ESYT2: variants seen among roughly 807,000 people sequenced by gnomAD.
ESYT2 encodes extended synaptotagmin-2.
ESYT2 carries 54 observed loss-of-function variants against 107.2 expected under a neutral mutation model. That is an observed-to-expected ratio of 0.50 (90% confidence interval 0.40 to 0.63). The LOEUF is 0.63. Among genes scored for constraint, ESYT2 ranks in the 30% least tolerant of loss-of-function variants. The pLI is 0.00. For synonymous variants in ESYT2, 491 were observed against 434.1 expected, an observed-to-expected ratio of 1.13 and a Z score of -1.63; for missense variants, 1,020 against 1,094.5, an observed-to-expected ratio of 0.93 and a Z score of 0.96.
At chr7:158,809,522 G>C (rs1220627534) in intron 1 of ESYT2, among the ~76,000 whole-genome samples, 3 of 138,586 alleles carry the variant, frequency 2.2e-5, no homozygotes, top group African/African-American at 5.3e-5. Flanking sequence ...GGGGGCAAAA[G>C]TATTTGTATA....
At chr7:158,737,927 C>G (rs1018790608) in intron 19 of ESYT2, among the ~76,000 whole-genome samples, 1 of 152,188 alleles carries the variant, frequency 6.6e-6, no homozygotes. Flanking sequence ...ATGCAACAGT[C>G]ACCTGACTTT....
intron 6 of ESYT2, 51 bp downstream of exon 6, chr7:158,787,953 G>A (rs1839165250): frequency 1.5e-5 from 22 of 1,421,384 alleles, no homozygotes; most frequent in Non-Finnish European, 2.2e-5. Flanking sequence ...CCACGGGTAT[G>A]TATTTTTGCC....
At chr7:158,786,933 G>A (rs1419258888) in intron 6 of ESYT2, among the ~76,000 whole-genome samples, 4 of 152,160 alleles carry the variant, frequency 2.6e-5, no homozygotes, top group Non-Finnish European at 5.9e-5. Flanking sequence ...AACAAAAGGG[G>A]CGAAGAAAGT....
In ESYT2 at chr7:158,764,793, T is replaced by G. The variant is rs755772982; in HGVS notation, c.985A>C (p.Lys329Gln). The G allele has an allele frequency of 1.9e-6, 3 of 1,614,172 alleles. No homozygotes were observed. In the South Asian group the frequency reaches 3.3e-5, roughly 18 times the overall value. Residue 329 changes from lysine (K) to glutamine (Q), a missense_variant, in exon 9 of 23, where the codon AAG (lysine) becomes CAG (glutamine). By Grantham distance (53) the Lys-to-Gln change is moderately conservative. Coordinates refer to ENST00000275418, the MANE Select transcript of ESYT2 (RefSeq NM_001367773.1). ...QDLQGKDTYL[K>Q]GLVKGKSDPY... ...TCTGACTTTCCCTTGACAAGTCCCT[T>G]AAGGTAAGTGTCTTTCCCCTGAAGA...
At chr7:158,782,342 G>A (rs1465307830) in intron 6 of ESYT2, among the ~76,000 whole-genome samples, 3 of 136,462 alleles carry the variant, frequency 2.2e-5, no homozygotes, top group Non-Finnish European at 3.2e-5. Context: ...AGTGTGAGGT[G>A]TGAGTGTAAG....
In ESYT2 at chr7:158,794,661, A is replaced by G. The variant is rs193160052; in HGVS notation, c.508-935T>C. Among the ~76,000 whole-genome samples the G allele has an allele frequency of 7.9e-5, 12 of 151,858 alleles. No individual in the cohort carries two copies. In the East Asian group the frequency reaches 2.3e-3, roughly 30 times the overall value. ...CGTGGTGGCGTGCACCTGTAGTCCC[A>G]GCTACTCGGGAGGCTGTGGTAGGGG... is the stretch of plus-strand genomic sequence containing the variant. On this transcript the variant is annotated intron_variant, in intron 3 of 22. Transcript: ENST00000275418.
intron 6 of ESYT2, among the ~76,000 whole-genome samples, chr7:158,786,343 T>C (rs947846800): frequency 2.6e-5 from 4 of 152,204 alleles, no homozygotes; most frequent in Non-Finnish European, 4.4e-5. Flanking sequence ...TACTTAGCAA[T>C]TTGTTAAGAT....
At position 158,748,172 on chromosome 7, in the gene ESYT2, TTAAAAAA is replaced by T. The variant is rs755333490; in HGVS notation, c.1644+15_1644+21del. On this transcript the variant is annotated intron_variant, in intron 16 of 22. Transcript: ENST00000275418. The stretch of plus-strand genomic sequence containing the variant: ...AGTCAATTATTTGTCAATAAATTGG[TTAAAAAA>T]TGCAAATAAAATACCTCAACTTCAA... 2 of 1,608,488 alleles carry T rather than the reference TTAAAAAA, an allele frequency of 1.2e-6. No homozygotes were observed. Among genetic ancestry groups the T allele is most frequent in the South Asian group, 2.2e-5 (2 of 90,864 alleles).
At chr7:158,797,202 C>T (rs1234853885) in intron 3 of ESYT2, among the ~76,000 whole-genome samples, 5 of 152,272 alleles carry the variant, frequency 3.3e-5, no homozygotes, top group East Asian at 1.9e-4. Context: ...GCTGGAATGC[C>T]GTAGTGTGAT....
At chr7:158,806,963 T>C (rs1839848362) in intron 1 of ESYT2, among the ~76,000 whole-genome samples, 1 of 152,148 alleles carries the variant, frequency 6.6e-6, no homozygotes, top group East Asian at 1.9e-4. Context: ...ATATTCTGTA[T>C]ACTACTTAAA....
chr7:158,823,632 T>C (rs1462181068), intron 1 of ESYT2, among the ~76,000 whole-genome samples: 2 of 152,060 alleles, frequency 1.3e-5, no homozygotes, highest in Non-Finnish European at 2.9e-5. Flanking sequence ...AGCCCTGATG[T>C]CTATATTTTT....
At chr7:158,759,394 G>T (rs1837882526) in intron 13 of ESYT2, 92 bp downstream of exon 13, 2 of 956,752 alleles carry the variant, frequency 2.1e-6, no homozygotes, top group South Asian at 3.3e-5. Flanking sequence ...GAAGAGAACA[G>T]GTGATGCAGA....
At chr7:158,757,723 T>C (rs1282517512) in intron 13 of ESYT2, among the ~76,000 whole-genome samples, 1 of 152,028 alleles carries the variant, frequency 6.6e-6, no homozygotes, top group Non-Finnish European at 1.5e-5. Context: ...CAAAGTGCCC[T>C]TTTAACAGAA....
intron 1 of ESYT2, among the ~76,000 whole-genome samples, chr7:158,810,177 T>C (rs952231567): frequency 6.6e-6 from 1 of 152,174 alleles, no homozygotes; most frequent in Non-Finnish European, 1.5e-5. Context: ...CCCACACGTA[T>C]ATATGCAACA....
intron 1 of ESYT2, among the ~76,000 whole-genome samples, chr7:158,818,656 C>A (rs1227562112): frequency 2.0e-5 from 3 of 152,240 alleles, no homozygotes; most frequent in Admixed American, 2.0e-4. Flanking sequence ...CCGCCCATGT[C>A]CAGTGTGTTC....
chr7:158,782,440 G>C (rs1838923526), intron 6 of ESYT2, among the ~76,000 whole-genome samples: 1 of 151,972 alleles, frequency 6.6e-6, no homozygotes, highest in South Asian at 2.1e-4. Context: ...AGGTGTGAGT[G>C]TAAGAACGAG....
Position 158,737,098 on chromosome 7 carries a change from C to A in ESYT2, c.2349G>T (p.Arg783Ser). The part of the protein sequence containing the change: ...YLLPDKRRSG[R>S]RKTHVSKKTL... ...TTTTCTTTGACACGTGTGTTTTCCT[C>A]CTTCCTGACCGCCTCTTGTCTGGTA... Residue 783 changes from arginine to serine, a missense_variant, in exon 20 of 23, where the codon AGG becomes AGT. By Grantham distance (110) the Arg-to-Ser change is moderately radical (BLOSUM62 -1). Coordinates refer to ENST00000275418, the MANE Select transcript of ESYT2 (RefSeq NM_001367773.1). 6.2e-7 allele frequency: 1 copy of A among 1,614,010 alleles called. No homozygotes were observed. The highest frequency in any genetic ancestry group is 8.5e-7 in the Non-Finnish European group (1 of 1,179,922).
At position 158,735,537 on chromosome 7, in the gene ESYT2, C is replaced by G. The variant is rs776034418; in HGVS notation, c.2471G>C (p.Gly824Ala). 3 of 1,614,174 alleles carry G rather than the reference C, an allele frequency of 1.9e-6. No homozygotes were observed. In the South Asian group the frequency reaches 3.3e-5, roughly 18 times the overall value. The change falls in exon 21 of 23, where the codon GGC (glycine) becomes GCC (alanine). Residue 824 changes from glycine to alanine, a missense_variant. Physicochemically the swap from Gly to Ala is moderately conservative, Grantham distance 60. Transcript: ENST00000275418. Reference protein sequence around the residue: ...TLDVAVKNSGGFLSKDKGLLG... With the variant: ...TLDVAVKNSGAFLSKDKGLLG... Reference sequence around the variant, plus strand: ...GAGCCCTTTGTCTTTGGACAGGAAGCCGCCACTGTTCTTCACGGCAACGTC... The same window carrying G: ...GAGCCCTTTGTCTTTGGACAGGAAGGCGCCACTGTTCTTCACGGCAACGTC...
In ESYT2 at chr7:158,789,423, G is replaced by C. The variant is rs573629727; in HGVS notation, c.585-1006C>G. On this transcript the variant is annotated intron_variant, in intron 4 of 22. Coordinates refer to ENST00000275418, the MANE Select transcript of ESYT2 (RefSeq NM_001367773.1). Reference sequence around the variant, plus strand: ...CGAGGCTGGAGTACAGTGGTGCAATGATGACTCACTGCAACGGCCGCTATC... The same window carrying C: ...CGAGGCTGGAGTACAGTGGTGCAATCATGACTCACTGCAACGGCCGCTATC... 1.1e-4 allele frequency among the ~76,000 whole-genome samples: 16 copies of C among 152,190 alleles called. 1 individual carries two copies. In the South Asian group the frequency reaches 2.7e-3, roughly 26 times the overall value.
Sources: gnomAD v4.1 joint callset for allele counts (sites outside exome capture counted in the v4.1 genomes callset) on GRCh38, gnomAD v4.1.1 for gene constraint, MANE v1.5 for transcripts, NCBI Gene and HGNC (gene_info 2026-07-23, HGNC 2026-07-21) for gene names.